Variants in ZNHIT3 observed in about 807,000 individuals in gnomAD.
ZNHIT3 encodes zinc finger HIT domain-containing protein 3.
In ZNHIT3, 27 loss-of-function variants were observed where a neutral mutation model predicts 19.9. The ratio of observed to expected loss-of-function variants is 1.36; its 90% CI spans 1.00 to 1.87. The LOEUF is 1.87. Ranked by LOEUF, ZNHIT3 falls within the 40% of genes most tolerant of loss-of-function variation. The pLI, the probability that ZNHIT3 is intolerant of heterozygous loss-of-function variation, is 0.00. For synonymous variants in ZNHIT3, 81 were observed against 65.7 expected (o/e 1.23, Z -1.13); for missense variants, 215 against 185.6 (o/e 1.16, Z -0.92).
chr17:36,488,012 C>A (rs2070621971), intron 2 of ZNHIT3, among the ~76,000 whole-genome samples: 1 of 148,554 alleles, frequency 6.7e-6, no homozygotes, highest in Non-Finnish European at 1.5e-5. Flanking sequence ...GTGGGAAGAT[C>A]GCTTGAGCCT....
At chr17:36,496,138 G>GT, downstream of ZNHIT3, 4 of 1,407,862 alleles carry the variant, frequency 2.8e-6, no homozygotes, top group Non-Finnish European at 3.9e-6. Context: ...CGTCACTGTT[G>GT]TTCATGTGCA....
chr17:36,488,352 C>T (rs1346995694), intron 2 of ZNHIT3, among the ~76,000 whole-genome samples: 2 of 152,042 alleles, frequency 1.3e-5, no homozygotes, highest in African/African-American at 4.8e-5. Flanking sequence ...CGAGACCAGC[C>T]TGGCCAACAT....
At chr17:36,487,492 C>G (rs1051763578) in intron 2 of ZNHIT3, among the ~76,000 whole-genome samples, 16 of 152,186 alleles carry the variant, frequency 1.1e-4, no homozygotes, top group African/African-American at 3.9e-4. Flanking sequence ...CACTTTTGTA[C>G]AGTTAAAAAG....
chr17:36,498,697 GAACCA>G, downstream of ZNHIT3: 1 of 961,632 alleles, frequency 1.0e-6, no homozygotes, highest in South Asian at 1.7e-5. Context: ...TGGCTGCCCT[GAACCA>G]AACTGGTTCC....
chr17:36,495,469 C>T lies in ZNHIT3; in HGVS notation c.*65C>T. 6.7e-7 allele frequency: 1 copy of T among 1,481,502 alleles called. No homozygotes were observed. The allele number at this position is 1,481,502 out of a possible 1,614,324, so 91.8% of individuals were successfully genotyped here. ...TCCTGGAACCTGCCTGCTCCCTCTCCCAGACCAGCTAGTTTGGGGCTGGGG... is the reference window on the plus strand; with the variant it reads ...TCCTGGAACCTGCCTGCTCCCTCTCTCAGACCAGCTAGTTTGGGGCTGGGG... On this transcript the variant is annotated 3_prime_UTR_variant, in exon 5 of 5. Transcript: ENST00000617429.
At position 36,492,817 on chromosome 17, in the gene ZNHIT3, G is replaced by A. The variant is rs754499306; in HGVS notation, c.123G>A (p.Gln41=). Residue 41 remains glutamine, a synonymous_variant, in exon 3 of 5, where the codon CAG becomes CAA. Transcript: ENST00000617429. ...TGGGATTTGTGTCTTTTTCAGAACA[G>A]TGCAACCCTGAAACTCGTCCTGTTG... The part of the protein sequence containing the change: ...SVVCFRKHKE[Q]CNPETRPVEK... The A allele has an allele frequency of 6.2e-7, 1 of 1,614,070 alleles. No individual in the cohort carries two copies. The highest frequency in any genetic ancestry group is 8.5e-7 in the Non-Finnish European group (1 of 1,179,974).
chr17:36,497,674 TC>T, downstream of ZNHIT3: 1 of 387,878 alleles, frequency 2.6e-6, no homozygotes, highest in Non-Finnish European at 3.5e-6. Context: ...AACCTCTCCC[TC>T]CCAGATTCAA....
downstream of ZNHIT3, among the ~76,000 whole-genome samples, chr17:36,497,241 G>A (rs1466210522): frequency 6.6e-6 from 1 of 151,858 alleles, no homozygotes; most frequent in Non-Finnish European, 1.5e-5. Flanking sequence ...GGGAGGCTGA[G>A]GCAGGAGAAT....
chr17:36,496,031 G>T, downstream of ZNHIT3: 1 of 781,286 alleles, frequency 1.3e-6, no homozygotes, highest in Non-Finnish European at 1.9e-6. Flanking sequence ...CCCTGATTTG[G>T]TAACTACCAG....
chr17:36,489,949 T>A (rs1445995665), intron 2 of ZNHIT3: 3 of 151,054 alleles, frequency 2.0e-5, no homozygotes, highest in African/African-American at 7.3e-5. Flanking sequence ...TTTTTTTTTT[T>A]TTTTTTGGCT....
downstream of ZNHIT3, chr17:36,496,195 G>A: frequency 6.2e-7 from 1 of 1,601,642 alleles, no homozygotes; most frequent in South Asian, 1.1e-5. Flanking sequence ...CTGATTAAAT[G>A]TCTTTGGCAA....
chr17:36,496,671 A>G (rs1268514308), downstream of ZNHIT3, among the ~76,000 whole-genome samples: 1 of 152,154 alleles, frequency 6.6e-6, no homozygotes, highest in East Asian at 1.9e-4. Context: ...CCTTCTGTTT[A>G]GCAGGCCTGT....
At position 36,486,739 on chromosome 17, in the gene ZNHIT3, T is replaced by C. The variant is rs746085924; in HGVS notation, c.40T>C (p.Cys14Arg). The change falls in exon 1 of 5, where the codon TGC becomes CGC. Residue 14 changes from cysteine (C) to arginine (R), a missense_variant. Coordinates refer to ENST00000617429, the MANE Select transcript of ZNHIT3 (RefSeq NM_004773.4). ...LKCSTVVCVICLEKPKYRCPA... is the reference protein window; with the variant it reads ...LKCSTVVCVIRLEKPKYRCPA... ...ATGTAGCACCGTCGTCTGCGTGATC[T>C]GCTTGGAGAAGCCCAAATACCGCTG... 2 of 1,613,838 alleles carry C rather than the reference T, an allele frequency of 1.2e-6. No homozygotes were observed. Among genetic ancestry groups the C allele is most frequent in the Middle Eastern group, 1.6e-4 (1 of 6,062 alleles).
intron 2 of ZNHIT3, chr17:36,490,908 T>C (rs2070711502): frequency 6.6e-6 from 1 of 152,180 alleles, no homozygotes; most frequent in Non-Finnish European, 1.5e-5. Flanking sequence ...CTTGACTTCC[T>C]GGGCTCAGGC....
intron 4 of ZNHIT3, 138 bp from the exon 5 acceptor site, chr17:36,495,085 C>T (rs925005949): frequency 7.7e-6 from 8 of 1,040,832 alleles, no homozygotes; most frequent in Non-Finnish European, 1.1e-5. Context: ...TTGACCTCCC[C>T]AGTTGCTGGT....
intron 2 of ZNHIT3, 97 bp downstream of exon 2, chr17:36,487,063 C>T: frequency 1.3e-6 from 2 of 1,510,198 alleles, no homozygotes; most frequent in Non-Finnish European, 1.8e-6. Flanking sequence ...GGCTGCGCTT[C>T]CTTTCCCGCC....
chr17:36,495,225 GA>G lies in ZNHIT3; in HGVS notation c.291del (p.Glu97AspfsTer5). 13 of 1,561,724 alleles carry G rather than the reference GA, an allele frequency of 8.3e-6. No individual in the cohort carries two copies. Among genetic ancestry groups the G allele is most frequent in the Non-Finnish European group, 1.1e-5 (13 of 1,159,138 alleles). The stretch of plus-strand genomic sequence containing the variant: ...CTTTTTTTCTTGTTAATTTTTAGGG[GA>G]ATCTGCAACATTAAGAAGCTTATTG... Reference protein sequence around the residue: ...VSLQNLKNLGESATLRSLLLN... With the variant: ...VSLQNLKNLGXSATLRSLLLN... On this transcript the variant is annotated frameshift_variant, in exon 5 of 5. Coordinates refer to ENST00000617429, the MANE Select transcript of ZNHIT3 (RefSeq NM_004773.4). LOFTEE classifies it high-confidence loss of function.
chr17:36,495,104 C>A (rs2070861525), intron 4 of ZNHIT3, 119 bp from the exon 5 acceptor site: 1 of 1,271,670 alleles, frequency 7.9e-7, no homozygotes, highest in Non-Finnish European at 1.1e-6. Flanking sequence ...GTATTACAGG[C>A]ATGAGCCACC....
chr17:36,495,954 A>T (rs2070929897), downstream of ZNHIT3: 5 of 949,922 alleles, frequency 5.3e-6, no homozygotes. Context: ...GTGTAGTGAC[A>T]GACAGTCATG....
Sources: gnomAD v4.1 joint callset for allele counts (sites outside exome capture counted in the v4.1 genomes callset) on GRCh38, gnomAD v4.1.1 for gene constraint, MANE v1.5 for transcripts, NCBI Gene and HGNC (gene_info 2026-07-23, HGNC 2026-07-21) for gene names.